Variants in AFF3 observed in about 807,000 individuals in gnomAD.
AFF3 encodes ALF transcription elongation factor 3, also known as AF4/FMR2 family member 3.
Under a neutral mutation model 129.7 loss-of-function variants are expected in AFF3, and 32 were observed. That is an observed-to-expected ratio of 0.25 (90% confidence interval 0.19 to 0.33). AFF3 has a LOEUF of 0.33. AFF3 is among the 10% of genes least tolerant of loss of function. AFF3 has a pLI of 1.00. For missense variants in AFF3, 1,373 were observed against 1,592.0 expected (o/e 0.86, Z 2.34); for synonymous variants, 644 against 635.4 (o/e 1.01, Z -0.20).
intron 7 of AFF3, among the ~76,000 whole-genome samples, chr2:99,960,844 G>A (rs1249082022): frequency 6.6e-6 from 1 of 152,170 alleles, no homozygotes; most frequent in Non-Finnish European, 1.5e-5. Flanking sequence ...AGAGCACTGT[G>A]ATATGCTAAT....
intron 4 of AFF3, among the ~76,000 whole-genome samples, chr2:100,026,730 T>TATATAA (rs1173451477): frequency 6.7e-6 from 1 of 148,320 alleles, no homozygotes; most frequent in Non-Finnish European, 1.5e-5. Flanking sequence ...TATATATATA[T>TATATAA]AATGGAATAC....
At chr2:99,581,052 A>C (rs1677490354) in intron 17 of AFF3, among the ~76,000 whole-genome samples, 1 of 152,210 alleles carries the variant, frequency 6.6e-6, no homozygotes, top group South Asian at 2.1e-4. Flanking sequence ...TCCCCTGTAT[A>C]AGGCTCTCTC....
intron 11 of AFF3, among the ~76,000 whole-genome samples, chr2:99,720,869 G>T (rs1678828017): frequency 6.6e-6 from 1 of 152,076 alleles, no homozygotes; most frequent in African/African-American, 2.4e-5. Context: ...AGTCTATTTA[G>T]ATTTAATGTC....
intron 7 of AFF3, among the ~76,000 whole-genome samples, chr2:99,978,776 C>G (rs1000595837): frequency 4.6e-5 from 7 of 152,220 alleles, no homozygotes; most frequent in Non-Finnish European, 8.8e-5. Flanking sequence ...GCCTTACCCT[C>G]CCACCACGTG....
chr2:99,707,119 C>T, intron 11 of AFF3: 1 of 985,426 alleles, frequency 1.0e-6, no homozygotes, highest in Non-Finnish European at 1.2e-6. Context: ...TGAAGGCTGG[C>T]TCCAGTTGTG....
intron 3 of AFF3, 66 bp downstream of exon 3, chr2:100,105,438 G>C: frequency 7.6e-7 from 1 of 1,320,240 alleles, no homozygotes; most frequent in African/African-American, 1.5e-5. Context: ...GGCCTCCAGT[G>C]GTGGTCCCAC....
chr2:100,087,976 T>C (rs1037348358), intron 4 of AFF3, among the ~76,000 whole-genome samples: 4 of 151,186 alleles, frequency 2.6e-5, no homozygotes, highest in African/African-American at 9.7e-5. Flanking sequence ...CACATCCTTT[T>C]GTGCTTAAAA....
At chr2:99,653,140 T>A (rs1685426881) in intron 12 of AFF3, among the ~76,000 whole-genome samples, 1 of 152,234 alleles carries the variant, frequency 6.6e-6, no homozygotes, top group Admixed American at 6.5e-5. Context: ...TGGCTTTCGC[T>A]TTAGGCCGCG....
intron 10 of AFF3, among the ~76,000 whole-genome samples, chr2:99,729,462 A>G (rs1679628311): frequency 6.6e-6 from 1 of 152,126 alleles, no homozygotes; most frequent in Non-Finnish European, 1.5e-5. Context: ...TTCTCAGCAA[A>G]TTCAGTGCTG....
At chr2:99,859,771 C>G (rs1368071135) in intron 7 of AFF3, among the ~76,000 whole-genome samples, 1 of 152,064 alleles carries the variant, frequency 6.6e-6, no homozygotes, top group East Asian at 1.9e-4. Flanking sequence ...GAGCAAGCAC[C>G]AGGAAAAATC....
chr2:100,106,759 G>C, intron 2 of AFF3: 9 of 985,542 alleles, frequency 9.1e-6, no homozygotes, highest in Non-Finnish European at 1.1e-5. Context: ...AAGGAGGGCC[G>C]CTGAAGGACA....
chr2:99,618,403 T>G (rs1480562860), intron 13 of AFF3, among the ~76,000 whole-genome samples: 2 of 151,816 alleles, frequency 1.3e-5, no homozygotes, highest in Admixed American at 1.3e-4. Flanking sequence ...ACCCAGCTAA[T>G]TTTTGTATTT....
At chr2:99,822,011 T>C (rs990070104) in intron 8 of AFF3, among the ~76,000 whole-genome samples, 5 of 152,210 alleles carry the variant, frequency 3.3e-5, no homozygotes, top group African/African-American at 1.2e-4. Context: ...TTATTCCTTC[T>C]TACATTTTGG....
At chr2:99,849,200 T>A (rs1001599510) in intron 7 of AFF3, among the ~76,000 whole-genome samples, 8 of 152,050 alleles carry the variant, frequency 5.3e-5, no homozygotes, top group African/African-American at 1.9e-4. Flanking sequence ...CCCAGTTAGA[T>A]GGCAATAGTA....
intron 11 of AFF3, among the ~76,000 whole-genome samples, chr2:99,719,869 C>T (rs1678728766): frequency 6.6e-6 from 1 of 152,040 alleles, no homozygotes. Flanking sequence ...AACCCCATCT[C>T]TACTAAAAAT....
At chr2:100,080,586 T>A (rs1325541625) in intron 4 of AFF3, among the ~76,000 whole-genome samples, 1 of 151,872 alleles carries the variant, frequency 6.6e-6, no homozygotes, top group Non-Finnish European at 1.5e-5. Context: ...GACAGTCTAT[T>A]AGCAAAAAAA....
At position 99,547,091 on chromosome 2, in the gene AFF3, G is replaced by A. The variant is rs1158904708; in HGVS notation, c.*4383C>T. 3 of 220,172 alleles carry A rather than the reference G, an allele frequency of 1.4e-5. No individual in the cohort carries two copies. The highest frequency in any genetic ancestry group is 1.8e-5 in the Non-Finnish European group (2 of 109,890). The allele number at this position is 220,172 out of a possible 1,614,324, so 13.6% of individuals were successfully genotyped here. A position where few individuals can be genotyped will look rare whatever the true frequency, so the allele number is the denominator to read the frequency against. The stretch of plus-strand genomic sequence containing the variant: ...CAGACTTCATACTGATAATCTGTGG[G>A]AGCTACATTTAAGCCATTTATGAAA... On this transcript the variant is annotated 3_prime_UTR_variant, in exon 25 of 25. Coordinates refer to ENST00000672756, the MANE Select transcript of AFF3 (RefSeq NM_001386135.1).
At chr2:99,843,684 A>G (rs1418112672) in intron 7 of AFF3, among the ~76,000 whole-genome samples, 1 of 152,226 alleles carries the variant, frequency 6.6e-6, no homozygotes, top group Non-Finnish European at 1.5e-5. Flanking sequence ...ATAAATCCAG[A>G]AAAACTGAAA....
intron 11 of AFF3, among the ~76,000 whole-genome samples, chr2:99,678,783 A>G (rs1245671858): frequency 6.6e-6 from 1 of 152,234 alleles, no homozygotes; most frequent in Non-Finnish European, 1.5e-5. Context: ...CCTATTCATT[A>G]TGCAAGTGCA....
Sources: allele counts gnomAD v4.1 joint callset (sites outside exome capture counted in the v4.1 genomes callset), GRCh38; gene constraint gnomAD v4.1.1; transcripts MANE v1.5; gene names NCBI Gene and HGNC (gene_info 2026-07-23, HGNC 2026-07-21).